WRAP73: variants seen among roughly 807,000 people sequenced by gnomAD.
WRAP73 encodes WD repeat containing, antisense to TP73.
WRAP73 carries 55 observed loss-of-function variants against 59.6 expected under a neutral mutation model. The observed-to-expected ratio is 0.92, with a 90% CI of 0.74 to 1.15. The LOEUF is 1.15. Among genes scored for constraint, WRAP73 ranks in the 50% most tolerant of loss-of-function variants. WRAP73 has a pLI of 0.00. For synonymous variants in WRAP73, 265 were observed against 258.2 expected (o/e 1.03, Z -0.25); for missense variants, 592 against 608.1 (o/e 0.97, Z 0.28).
intron 11 of WRAP73, 174 bp downstream of exon 11, chr1:3,631,292 G>C: frequency 4.6e-6 from 6 of 1,310,368 alleles, no homozygotes; most frequent in Non-Finnish European, 6.3e-6. Flanking sequence ...AGCCCATAAA[G>C]CTGAGGGCAG....
rs180862162 is a variant in WRAP73 at position 3,631,405 on chromosome 1, G to A, written c.1240+61C>T. 1.5e-3 allele frequency: 2,246 copies of A among 1,533,234 alleles called. 70 individuals are homozygous for A. In the Admixed American group the frequency reaches 0.04, roughly 28 times the overall value. 95.0% of individuals were successfully genotyped at this position (1,533,234 alleles called of 1,614,324 possible). A position where few individuals can be genotyped will look rare whatever the true frequency, so the allele number is the denominator to read the frequency against. On this transcript the variant is annotated intron_variant, in intron 11 of 11. Coordinates refer to ENST00000270708, the MANE Select transcript of WRAP73 (RefSeq NM_017818.4). ...CAGCTGGGCTTCAACAGTTCAGCCCGTGTGATGCCAGACTGCACACAGCAA... is the reference window on the plus strand; with the variant it reads ...CAGCTGGGCTTCAACAGTTCAGCCCATGTGATGCCAGACTGCACACAGCAA...
At chr1:3,640,781 G>A (rs1432771939) in intron 3 of WRAP73, among the ~76,000 whole-genome samples, 4 of 151,680 alleles carry the variant, frequency 2.6e-5, no homozygotes, top group Non-Finnish European at 5.9e-5. Flanking sequence ...GGGGTGCAGC[G>A]CCCGAGCCTC....
At chr1:3,633,302 T>C in intron 9 of WRAP73, 96 bp downstream of exon 9, 1 of 1,278,928 alleles carries the variant, frequency 7.8e-7, no homozygotes, top group Non-Finnish European at 1.1e-6. Context: ...AAAAAAGTTT[T>C]TTTTTTTAAA....
At chr1:3,634,926 A>G in intron 8 of WRAP73, 71 bp downstream of exon 8, 1 of 1,545,756 alleles carries the variant, frequency 6.5e-7, no homozygotes. Flanking sequence ...CAAGAAAGCA[A>G]AGTGAAGGAG....
chr1:3,634,839 G>C (rs1644573957), intron 8 of WRAP73, 158 bp downstream of exon 8: 1 of 899,722 alleles, frequency 1.1e-6, no homozygotes. Flanking sequence ...AAAGGCCAGG[G>C]CAGGGCCAGA....
In WRAP73 at chr1:3,633,186, A is replaced by G. The variant is rs554078363; in HGVS notation, c.922+212T>C. 2.4e-4 allele frequency: 131 copies of G among 552,022 alleles called. No homozygotes were observed. In the African/African-American group the frequency reaches 2.4e-3, roughly 10 times the overall value. The allele number at this position is 552,022 out of a possible 1,614,324, so 34.2% of individuals were successfully genotyped here. On this transcript the variant is annotated intron_variant, in intron 9 of 11. Coordinates refer to ENST00000270708, the MANE Select transcript of WRAP73 (RefSeq NM_017818.4). ...TCAGATCCGGGTCTCCAGGGCTCAT[A>G]TTCAGTAACAGAAGCCGCACCTTCA...
At chr1:3,645,643 C>T (rs1343678241) in intron 3 of WRAP73, among the ~76,000 whole-genome samples, 1 of 152,244 alleles carries the variant, frequency 6.6e-6, no homozygotes, top group African/African-American at 2.4e-5. Context: ...CAGAAAAGCA[C>T]ATTATTAAAG....
intron 11 of WRAP73, 162 bp from the exon 12 acceptor site, chr1:3,631,279 T>G: frequency 1.5e-6 from 2 of 1,351,198 alleles, no homozygotes; most frequent in Non-Finnish European, 1.0e-6. Flanking sequence ...AGAGGCTGCT[T>G]CTAGCCCATA....
Position 3,635,233 on chromosome 1 carries a change from C to G in WRAP73, c.665G>C (p.Trp222Ser), listed in dbSNP as rs1391747482. Residue 222 changes from tryptophan to serine, a missense_variant, in exon 7 of 12, where the codon TGG becomes TCG. Transcript: ENST00000270708. ...GGCCACAGACTTGATGCCCAGGGACCACTCGTAAGCGCTGTACGTGGACAA... is the reference window on the plus strand; with the variant it reads ...GGCCACAGACTTGATGCCCAGGGACGACTCGTAAGCGCTGTACGTGGACAA... The part of the protein sequence containing the change: ...RLLSTYSAYE[W>S]SLGIKSVAWS... The G allele has an allele frequency of 6.2e-7, 1 of 1,614,052 alleles. No individual in the cohort carries two copies. The highest frequency in any genetic ancestry group is 1.7e-5 in the Admixed American group (1 of 60,030).
intron 3 of WRAP73, among the ~76,000 whole-genome samples, chr1:3,641,049 GA>G (rs1644639485): frequency 6.6e-6 from 1 of 152,042 alleles, no homozygotes; most frequent in Non-Finnish European, 1.5e-5. Flanking sequence ...AACCCAATAA[GA>G]AAAAAAGGTA....
At position 3,630,914 on chromosome 1, in the gene WRAP73, G is replaced by GT. The variant is rs1644525155; in HGVS notation, c.*60dup. 2 of 1,565,678 alleles carry GT rather than the reference G, an allele frequency of 1.3e-6. No homozygotes were observed. The highest frequency in any genetic ancestry group is 1.2e-5 in the South Asian group (1 of 85,214). On this transcript the variant is annotated 3_prime_UTR_variant, in exon 12 of 12. Transcript: ENST00000270708. ...GTGGAGAACCTCCTGGTGAAGCTGTGTTTTTTCCCACACTGGAAACACAGA... is the reference window on the plus strand; with the variant it reads ...GTGGAGAACCTCCTGGTGAAGCTGTGTTTTTTTCCCACACTGGAAACACAGA...
intron 3 of WRAP73, among the ~76,000 whole-genome samples, chr1:3,640,678 A>G (rs1316844118): frequency 6.9e-6 from 1 of 144,770 alleles, no homozygotes; most frequent in Non-Finnish European, 1.5e-5. Flanking sequence ...GCGCCCGAGC[A>G]TCTCAGCATC....
intron 6 of WRAP73, 196 bp from the exon 7 acceptor site, chr1:3,635,490 G>C (rs1644581327): frequency 4.2e-6 from 3 of 716,078 alleles, no homozygotes; most frequent in Non-Finnish European, 6.7e-6. Context: ...TGAGGAAAAA[G>C]GGGAAATTGG....
chr1:3,646,938 C>CT lies in WRAP73; in HGVS notation c.223-157dup, dbSNP rs1644697990. On this transcript the variant is annotated intron_variant, in intron 2 of 11. Transcript: ENST00000270708. The surrounding 1 kb of genome is among the most constrained non-coding windows in gnomAD (Gnocchi z 5.1). ...CGAGGCCTCGCCGAGAGACAACTCC[C>CT]TTAAAACCAGCAGAGACCCGATCAC... 9.9e-6 allele frequency among the ~76,000 whole-genome samples: 1 copy of CT among 100,536 alleles called. No homozygotes were observed. The highest frequency in any genetic ancestry group is 9.4e-5 in the Admixed American group (1 of 10,686). The allele number at this position is 100,536 out of a possible 152,430, so 66.0% of individuals were successfully genotyped here.
Position 3,633,582 on chromosome 1 carries a change from C to A in WRAP73, c.817-79G>T, listed in dbSNP as rs897454083. On this transcript the variant is annotated intron_variant, in intron 8 of 11. Transcript: ENST00000270708. ...GGATGGACGTGGCAAATGCCCATGA[C>A]AGCGCATGGTCAACAGGTGTGCCTG... 1.1e-5 allele frequency: 12 copies of A among 1,122,414 alleles called. No homozygotes were observed. The East Asian group carries it at 1.8e-4, about 17-fold the overall frequency. 69.5% of individuals were successfully genotyped at this position (1,122,414 alleles called of 1,614,324 possible). A position where few individuals can be genotyped will look rare whatever the true frequency, so the allele number is the denominator to read the frequency against.
chr1:3,635,364 G>C (rs1570296460), intron 6 of WRAP73, 70 bp from the exon 7 acceptor site: 8 of 1,590,332 alleles, frequency 5.0e-6, no homozygotes, highest in East Asian at 4.5e-5. Context: ...AGACGCGGGT[G>C]CTGCAGAGTG....
At chr1:3,638,022 G>A (rs1198538580) in intron 4 of WRAP73, among the ~76,000 whole-genome samples, 2 of 152,216 alleles carry the variant, frequency 1.3e-5, no homozygotes, top group Non-Finnish European at 2.9e-5. Flanking sequence ...CATCTGGAGG[G>A]ACGCTAATAT....
rs750781275 is a variant in WRAP73, at chr1:3,635,289, C to T, written c.609G>A (p.Lys203=). 1 of 1,613,878 alleles carries T rather than the reference C, an allele frequency of 6.2e-7. No individual in the cohort carries two copies. Among genetic ancestry groups the T allele is most frequent in the Non-Finnish European group, 8.5e-7 (1 of 1,180,022 alleles). Residue 203 remains lysine (K), a synonymous_variant, in exon 7 of 12, where the codon AAG becomes AAA. Transcript: ENST00000270708. The part of the protein sequence containing the change: ...LAVWDTCLEY[K]ILLYSLDGRL... ...GGCCATCCAATGAGTACAGCAGAAT[C>T]TTGTACTGCAGATGAGACATTTCAG...
intron 3 of WRAP73, among the ~76,000 whole-genome samples, chr1:3,640,114 T>A (rs992038616): frequency 2.0e-5 from 3 of 152,114 alleles, no homozygotes; most frequent in African/African-American, 7.2e-5. Context: ...AACACACAGG[T>A]AGTGGATCAA....
Sources: allele counts gnomAD v4.1 joint callset (sites outside exome capture counted in the v4.1 genomes callset), GRCh38; gene constraint gnomAD v4.1.1; non-coding constraint Gnocchi (gnomAD v3.1); transcripts MANE v1.5; gene names NCBI Gene and HGNC (gene_info 2026-07-23, HGNC 2026-07-21).